Variants in DNAAF4 observed in about 807,000 individuals in gnomAD.
The protein encoded by DNAAF4 is dynein axonemal assembly factor 4.
DNAAF4 carries 43 observed loss-of-function variants against 51.8 expected under a neutral mutation model. That is an observed-to-expected ratio of 0.83 (90% confidence interval 0.65 to 1.07). The LOEUF is 1.07. DNAAF4 is among the 50% of genes least tolerant of loss of function. The pLI, the probability that DNAAF4 is intolerant of heterozygous loss-of-function variation, is 0.00. For missense variants in DNAAF4, 581 were observed against 493.0 expected, an observed-to-expected ratio of 1.18 and a Z score of -1.69; for synonymous variants, 194 against 165.6, an observed-to-expected ratio of 1.17 and a Z score of -1.32.
At chr15:55,498,171 C>A (rs555119537) in intron 2 of DNAAF4, 36 bp downstream of exon 2, 104 of 1,613,780 alleles carry the variant, frequency 6.4e-5, no homozygotes, top group Non-Finnish European at 8.2e-5. Flanking sequence ...TCGGACCACA[C>A]CCCCGGAGAC....
rs533328980 is a variant in DNAAF4 at position 55,440,742 on chromosome 15, C to T, written c.784-1161G>A. On this transcript the variant is annotated intron_variant, in intron 6 of 9. Coordinates refer to ENST00000321149, the MANE Select transcript of DNAAF4 (RefSeq NM_130810.4). ...AGCTGCCCAGGCTGGAGTACAGTAG[C>T]ACAATCTCGGTTCACTGTACCCTCT... is the stretch of plus-strand genomic sequence containing the variant. 2.3e-3 allele frequency among the ~76,000 whole-genome samples: 347 copies of T among 151,064 alleles called. 8 individuals carry two copies. The highest frequency in any genetic ancestry group is 1.2e-4 in the Non-Finnish European group (8 of 67,836).
chr15:55,503,146 C>T (rs2058708482), intron 1 of DNAAF4, among the ~76,000 whole-genome samples: 1 of 151,874 alleles, frequency 6.6e-6, no homozygotes, highest in Non-Finnish European at 1.5e-5. Context: ...ACTATAAACA[C>T]CTCTACGCAA....
intron 7 of DNAAF4, among the ~76,000 whole-genome samples, chr15:55,424,888 G>A (rs546425967): frequency 1.3e-5 from 2 of 149,226 alleles, no homozygotes; most frequent in African/African-American, 2.5e-5. Flanking sequence ...TGGAGATGGA[G>A]TTTTGCTCTT....
rs192129597 is a variant in DNAAF4 at position 55,461,226 on chromosome 15, G to A, written c.637+5704C>T. ...TGGGACTACAGGTGCCCCCCACCAC[G>A]CCTGGCTAATTTTTTGTACTTTTAG... On this transcript the variant is annotated intron_variant, in intron 5 of 9. Coordinates refer to ENST00000321149, the MANE Select transcript of DNAAF4 (RefSeq NM_130810.4). Among the ~76,000 whole-genome samples, 240 of 151,898 alleles carry A rather than the reference G, an allele frequency of 1.6e-3. 1 individual carries two copies. The highest frequency in any genetic ancestry group is 5.4e-3 in the African/African-American group (225 of 41,448).
chr15:55,464,289 A>C (rs2058137327), intron 5 of DNAAF4, among the ~76,000 whole-genome samples: 1 of 152,234 alleles, frequency 6.6e-6, no homozygotes, highest in Non-Finnish European at 1.5e-5. Flanking sequence ...CTCTCCCCTA[A>C]CACAAAAATT....
chr15:55,502,713 A>C lies in DNAAF4; in HGVS notation c.-255-4129T>G, dbSNP rs551166458. 2.2e-3 allele frequency among the ~76,000 whole-genome samples: 332 copies of C among 152,294 alleles called. 2 individuals are homozygous for C. The highest frequency in any genetic ancestry group is 3.8e-3 in the Non-Finnish European group (256 of 68,012). On this transcript the variant is annotated intron_variant, in intron 1 of 9. Transcript: ENST00000321149. ...AAATGAAGGCAGAAATAAAGATGTT[A>C]TTTGAAACCAGTAAGAACAAAGACA...
downstream of DNAAF4, among the ~76,000 whole-genome samples, chr15:55,427,761 G>C (rs2057445178): frequency 6.6e-6 from 1 of 150,718 alleles, no homozygotes; most frequent in Non-Finnish European, 1.5e-5. Flanking sequence ...TCAGCATCCC[G>C]AGTAGCTGGG....
rs545421653 is a variant in DNAAF4, at chr15:55,451,615, A to G, written c.638-1248T>C. On this transcript the variant is annotated intron_variant, in intron 5 of 9. Transcript: ENST00000321149. ...GAACACACTAAAAATTTTGTGAATA[A>G]TATCTTTTTTTTTTTTTGAGACAGG... is the stretch of plus-strand genomic sequence containing the variant. Among the ~76,000 whole-genome samples the G allele has an allele frequency of 4.9e-4, 46 of 94,604 alleles. 1 individual carries two copies. The South Asian group carries it at 0.02, about 42-fold the overall frequency. 62.1% of individuals were successfully genotyped at this position (94,604 alleles called of 152,430 possible).
Position 55,438,770 on chromosome 15 carries a change from A to C in DNAAF4, c.893+702T>G, listed in dbSNP as rs1355139524. 2.0e-5 allele frequency among the ~76,000 whole-genome samples: 3 copies of C among 151,526 alleles called. No homozygotes were observed. The East Asian group carries it at 5.8e-4, about 29-fold the overall frequency. The stretch of plus-strand genomic sequence containing the variant: ...ACTACACTCCAGCCTGGGTGATAAA[A>C]TGAGACACTATCTCACAAAAAAAAA... On this transcript the variant is annotated intron_variant, in intron 7 of 9. Coordinates refer to ENST00000321149, the MANE Select transcript of DNAAF4 (RefSeq NM_130810.4).
chr15:55,503,623 C>T (rs568132756), intron 1 of DNAAF4, among the ~76,000 whole-genome samples: 26 of 152,202 alleles, frequency 1.7e-4, no homozygotes, highest in African/African-American at 5.8e-4. Context: ...GTTCAATATA[C>T]GCAAATCAAT....
Position 55,491,105 on chromosome 15 carries a change from T to C in DNAAF4, c.405+18A>G, listed in dbSNP as rs1230212216. On this transcript the variant is annotated intron_variant, in intron 4 of 9. Coordinates refer to ENST00000321149, the MANE Select transcript of DNAAF4 (RefSeq NM_130810.4). ...CTATTATCTCTTTAGAGGACTTGCC[T>C]GTCATTCTGCAACTTACCTTCATCA... is the stretch of plus-strand genomic sequence containing the variant. 4.3e-6 allele frequency: 7 copies of C among 1,613,768 alleles called. No individual in the cohort carries two copies. The Admixed American group carries it at 8.3e-5, about 19-fold the overall frequency.
intron 7 of DNAAF4, among the ~76,000 whole-genome samples, 190 bp downstream of exon 7, chr15:55,439,282 T>G (rs1472825846): frequency 1.3e-5 from 2 of 152,296 alleles, no homozygotes; most frequent in Non-Finnish European, 2.9e-5. Flanking sequence ...TTATTTTGTT[T>G]GTTTTTTTGT....
chr15:55,491,371 G>A, intron 3 of DNAAF4, 115 bp from the exon 4 acceptor site: 1 of 1,043,768 alleles, frequency 9.6e-7, no homozygotes, highest in South Asian at 1.7e-5. Context: ...AACTTCACAA[G>A]GAACATGGAA....
chr15:55,452,764 G>C (rs185968074), intron 5 of DNAAF4, among the ~76,000 whole-genome samples: 2 of 152,292 alleles, frequency 1.3e-5, no homozygotes, highest in South Asian at 4.1e-4. Flanking sequence ...CTTAAAGCCA[G>C]GGTCATCTCA....
intron 8 of DNAAF4, among the ~76,000 whole-genome samples, chr15:55,433,823 TATATATTAC>T (rs1271058752): frequency 1.2e-5 from 1 of 86,046 alleles, no homozygotes; most frequent in Non-Finnish European, 2.2e-5. Context: ...ATATATATTA[TATATATTAC>T]ATATATTATA....
chr15:55,484,273 G>A (rs1359565144), intron 4 of DNAAF4, among the ~76,000 whole-genome samples: 2 of 152,040 alleles, frequency 1.3e-5, no homozygotes, highest in African/African-American at 4.8e-5. Flanking sequence ...CACGAGGTCA[G>A]GAGATCGAGA....
chr15:55,489,674 CAAAAA>C (rs756823133), intron 4 of DNAAF4, among the ~76,000 whole-genome samples: 1 of 80,828 alleles, frequency 1.2e-5, no homozygotes, highest in Non-Finnish European at 2.7e-5. Flanking sequence ...GACACCATTT[CAAAAA>C]AAAAAAAAAA....
chr15:55,501,600 C>T (rs1237030635), intron 1 of DNAAF4, among the ~76,000 whole-genome samples: 2 of 151,562 alleles, frequency 1.3e-5, no homozygotes, highest in Non-Finnish European at 2.9e-5. Flanking sequence ...TGGTCTCGAT[C>T]TCCTGACCTC....
chr15:55,453,635 C>G (rs1481625519), intron 5 of DNAAF4, among the ~76,000 whole-genome samples: 1 of 147,994 alleles, frequency 6.8e-6, no homozygotes, highest in African/African-American at 2.5e-5. Context: ...ACTGCAAGCT[C>G]TGCCTCCCGG....
Sources: gnomAD v4.1 joint callset for allele counts (sites outside exome capture counted in the v4.1 genomes callset) on GRCh38, gnomAD v4.1.1 for gene constraint, MANE v1.5 for transcripts, NCBI Gene and HGNC (gene_info 2026-07-23, HGNC 2026-07-21) for gene names.